COL4A2: variants seen among roughly 807,000 people sequenced by gnomAD.
COL4A2 encodes the protein collagen type IV alpha 2 chain.
A neutral mutation model predicts 200.2 loss-of-function variants in COL4A2; 99 were observed. That is an observed-to-expected ratio of 0.49 (90% CI 0.42 to 0.58). The LOEUF is 0.58. COL4A2 is among the 20% of genes least tolerant of loss of function. The pLI is 0.00. For synonymous variants in COL4A2, 897 were observed against 900.6 expected (o/e 1.00, Z 0.07); for missense variants, 1,950 against 2,314.1 (o/e 0.84, Z 3.23).
At chr13:110,500,924 T>C (rs1165917918) in intron 40 of COL4A2, among the ~76,000 whole-genome samples, 1 of 152,120 alleles carries the variant, frequency 6.6e-6, no homozygotes, top group Non-Finnish European at 1.5e-5. Flanking sequence ...TGGGGGGCAT[T>C]TGAAACAGCA....
At chr13:110,323,741 G>T (rs1313263690) in intron 3 of COL4A2, among the ~76,000 whole-genome samples, 1 of 152,240 alleles carries the variant, frequency 6.6e-6, no homozygotes, top group Non-Finnish European at 1.5e-5. Flanking sequence ...TGGGCACGCT[G>T]CCCCCAGCGC....
chr13:110,450,588 T>C (rs1881503956), intron 20 of COL4A2, 134 bp downstream of exon 20: 8 of 1,040,032 alleles, frequency 7.7e-6, no homozygotes, highest in Non-Finnish European at 1.1e-5. Context: ...TAGGGTGCAG[T>C]GGATCCAGGT....
At chr13:110,369,713 C>T (rs1237662353) in intron 4 of COL4A2, among the ~76,000 whole-genome samples, 1 of 152,154 alleles carries the variant, frequency 6.6e-6, no homozygotes, top group Admixed American at 6.5e-5. Context: ...ACCCTTCCCG[C>T]CTCAGCTTAC....
intron 4 of COL4A2, among the ~76,000 whole-genome samples, chr13:110,387,310 A>G (rs1456724178): frequency 6.6e-6 from 1 of 152,202 alleles, no homozygotes; most frequent in Admixed American, 6.5e-5. Flanking sequence ...CACAATCACT[A>G]TTTCCAAAGG....
rs1378792619 is a variant in COL4A2, at chr13:110,307,550, C to A, written c.-45+22C>A. The A allele has an allele frequency of 6.3e-6, 2 of 319,568 alleles. No individual in the cohort carries two copies. The highest frequency in any genetic ancestry group is 1.1e-5 in the Non-Finnish European group (2 of 175,654). 19.8% of individuals were successfully genotyped at this position (319,568 alleles called of 1,614,324 possible). A position where few individuals can be genotyped will look rare whatever the true frequency, so the allele number is the denominator to read the frequency against. On this transcript the variant is annotated intron_variant, in intron 1 of 47. Coordinates refer to ENST00000360467, the MANE Select transcript of COL4A2 (RefSeq NM_001846.4). This position sits in a 1 kb window ranked among gnomAD's most constrained non-coding sequence, Gnocchi z 5.0. ...CGAGGTGAGAGCGACCCCCGAGCGG[C>A]GCCCAGACCCTGGCCCGAGAGCACC...
chr13:110,507,713 T>A, intron 46 of COL4A2: 1 of 594,630 alleles, frequency 1.7e-6, no homozygotes, highest in South Asian at 2.1e-5. Context: ...GTGTGAGAAC[T>A]TGTAGAAGAA....
chr13:110,411,356 G>C (rs1879828279), intron 4 of COL4A2, among the ~76,000 whole-genome samples: 2 of 152,260 alleles, frequency 1.3e-5, no homozygotes, highest in Admixed American at 1.3e-4. Flanking sequence ...TCTGTTCAGA[G>C]AAGGTAGAGA....
At chr13:110,457,923 A>T (rs538911984) in intron 21 of COL4A2, among the ~76,000 whole-genome samples, 28 of 152,224 alleles carry the variant, frequency 1.8e-4, no homozygotes, top group African/African-American at 6.7e-4. Context: ...GAGGAGGCGA[A>T]CTTGGAACAG....
intron 4 of COL4A2, among the ~76,000 whole-genome samples, chr13:110,386,003 CACAGCGTGTG>C (rs1566505784): frequency 0.013 from 90 of 6,968 alleles, 8 homozygotes; most frequent in South Asian, 0.026. Context: ...GGGCCGTGGT[CACAGCGTGTG>C]GATGGGCCGT....
rs1236455000 is a variant in COL4A2 at position 110,469,263 on chromosome 13, A to T, written c.2142A>T (p.Gly714=). The T allele has an allele frequency of 6.2e-7, 1 of 1,604,424 alleles. No individual in the cohort carries two copies. The change falls in exon 28 of 48, where the codon GGA becomes GGT. Residue 714 remains glycine (G), a synonymous_variant. Transcript: ENST00000360467. ...RGIPGFAGAD[G]GPGPRGLPGD... ...TCCCAGGCTTCGCAGGAGCTGATGGAGGACCAGGGCCCAGGGGCTTGCCAG... is the reference window on the plus strand; with the variant it reads ...TCCCAGGCTTCGCAGGAGCTGATGGTGGACCAGGGCCCAGGGGCTTGCCAG...
Position 110,307,836 on chromosome 13 carries a change from A to G in COL4A2, c.-44-24A>G. On this transcript the variant is annotated intron_variant, in intron 1 of 47. Coordinates refer to ENST00000360467, the MANE Select transcript of COL4A2 (RefSeq NM_001846.4). This position sits in a 1 kb window ranked among gnomAD's most constrained non-coding sequence, Gnocchi z 5.0. ...GGCTGCCTCCCTCATCCTGCGCTAAACTCGCTTTGTCTGTCGCCTCTAGGC... is the reference window on the plus strand; with the variant it reads ...GGCTGCCTCCCTCATCCTGCGCTAAGCTCGCTTTGTCTGTCGCCTCTAGGC... 1 of 1,545,618 alleles carries G rather than the reference A, an allele frequency of 6.5e-7. No homozygotes were observed. Among genetic ancestry groups the G allele is most frequent in the Non-Finnish European group, 8.8e-7 (1 of 1,141,336 alleles).
chr13:110,389,893 A>G (rs1258545185), intron 4 of COL4A2, among the ~76,000 whole-genome samples: 1 of 151,900 alleles, frequency 6.6e-6, no homozygotes, highest in African/African-American at 2.4e-5. Flanking sequence ...AAAAATTTTT[A>G]AAACTACCCT....
In COL4A2 at chr13:110,478,085, G is replaced by A; in HGVS notation, c.2508G>A (p.Gly836=). ...CTTCCGGCCAGCCAGGCCTGTATGG[G>A]CCTCCAGGACTGCATGGATTCCCAG... ...PGPSGQPGLY[G]PPGLHGFPGA... Residue 836 remains glycine, a synonymous_variant, in exon 30 of 48, where the codon GGG becomes GGA. Coordinates refer to ENST00000360467, the MANE Select transcript of COL4A2 (RefSeq NM_001846.4). The A allele has an allele frequency of 1.2e-6, 2 of 1,609,964 alleles. No individual in the cohort carries two copies. The highest frequency in any genetic ancestry group is 1.7e-6 in the Non-Finnish European group (2 of 1,177,808).
At chr13:110,372,627 A>G (rs9521725) in intron 4 of COL4A2, among the ~76,000 whole-genome samples, 13,632 of 152,256 alleles carry the variant, frequency 0.09, 753 homozygotes, top group Middle Eastern at 0.12. Flanking sequence ...TCCTGTTGCC[A>G]AGAGAGATAA....
intron 3 of COL4A2, among the ~76,000 whole-genome samples, chr13:110,350,989 A>G (rs1876930343): frequency 6.6e-6 from 1 of 151,718 alleles, no homozygotes. Flanking sequence ...ATCTTCCTCA[A>G]ACTCTCTGTC....
At position 110,512,281 on chromosome 13, in the gene COL4A2, TAA is replaced by T. The variant is rs397838577; in HGVS notation, c.*101_*102del. On this transcript the variant is annotated 3_prime_UTR_variant, in exon 48 of 48. Transcript: ENST00000360467. ...CCAAAAATTGGTTTTATTTTTTTCT[TAA>T]AAAAAAAAAAGTCTACCAAAGGAAT... is the stretch of plus-strand genomic sequence containing the variant. The T allele has an allele frequency of 0.57, 768,819 of 1,349,882 alleles. 202,731 individuals are homozygous for T. Among genetic ancestry groups the T allele is most frequent in the Middle Eastern group, 0.6 (2,429 of 4,070 alleles). 83.6% of individuals were successfully genotyped at this position (1,349,882 alleles called of 1,614,324 possible).
At chr13:110,327,304 C>T (rs923106408) in intron 3 of COL4A2, among the ~76,000 whole-genome samples, 4 of 152,192 alleles carry the variant, frequency 2.6e-5, no homozygotes, top group African/African-American at 7.2e-5. Flanking sequence ...CTGCCCTTCC[C>T]GGGGGGTCCT....
In COL4A2 at chr13:110,473,051, G is replaced by A; in HGVS notation, c.2326G>A (p.Val776Ile). Residue 776 changes from valine to isoleucine, a missense_variant, in exon 29 of 48, where the codon GTC (valine) becomes ATC (isoleucine). By Grantham distance (29) the Val-to-Ile change is conservative (BLOSUM62 3). Around this residue, in one of 2 missense-constraint regions of COL4A2, gnomAD observed 1,385 missense variants for 1,720.5 expected, o/e 0.80. Coordinates refer to ENST00000360467, the MANE Select transcript of COL4A2 (RefSeq NM_001846.4). ...TGGGGAAAGGGGCCTCCCTGGAGAA[G>A]TCCTGGGAGCTCAGCCCGGGCCACG... ...PPGERGLPGE[V>I]LGAQPGPRGD... 5 of 1,526,168 alleles carry A rather than the reference G, an allele frequency of 3.3e-6. No homozygotes were observed. Among genetic ancestry groups the A allele is most frequent in the Non-Finnish European group, 4.4e-6 (5 of 1,136,864 alleles). The allele number at this position is 1,526,168 out of a possible 1,614,324, so 94.5% of individuals were successfully genotyped here. A position where few individuals can be genotyped will look rare whatever the true frequency, so the allele number is the denominator to read the frequency against.
intron 3 of COL4A2, among the ~76,000 whole-genome samples, chr13:110,311,154 A>G (rs1456257605): frequency 6.6e-6 from 1 of 152,040 alleles, no homozygotes; most frequent in Non-Finnish European, 1.5e-5. Flanking sequence ...TGCTTCTCCC[A>G]CTGTGAGGAT....
Sources: allele counts gnomAD v4.1 joint callset (sites outside exome capture counted in the v4.1 genomes callset), GRCh38; gene constraint gnomAD v4.1.1; regional missense constraint gnomAD v4.1.1; non-coding constraint Gnocchi (gnomAD v3.1); transcripts MANE v1.5; gene names NCBI Gene and HGNC (gene_info 2026-07-23, HGNC 2026-07-21).